Variants in DACH1 observed in about 807,000 individuals in gnomAD.
The protein encoded by DACH1 is dachshund family transcription factor 1.
A neutral mutation model predicts 54.2 loss-of-function variants in DACH1; 12 were observed. That is an observed-to-expected ratio of 0.22 (90% confidence interval 0.14 to 0.36). DACH1 has a LOEUF of 0.36. Ranked by LOEUF, DACH1 falls within the 10% of genes least tolerant of loss-of-function variation. The pLI, the probability that DACH1 is intolerant of heterozygous loss-of-function variation, is 1.00. For missense variants in DACH1, 805 were observed against 929.8 expected (o/e 0.87, Z 1.75); for synonymous variants, 386 against 366.2 (o/e 1.05, Z -0.62).
At chr13:71,637,498 T>C (rs180764455) in intron 2 of DACH1, among the ~76,000 whole-genome samples, 2 of 152,284 alleles carry the variant, frequency 1.3e-5, no homozygotes, top group Admixed American at 1.3e-4. Flanking sequence ...CATCAAATCA[T>C]TGGATTTGGC....
chr13:71,579,519 C>T (rs1335529195), intron 3 of DACH1, among the ~76,000 whole-genome samples: 1 of 152,006 alleles, frequency 6.6e-6, no homozygotes, highest in Non-Finnish European at 1.5e-5. Flanking sequence ...GCAGACATTA[C>T]TAAAAACAAT....
intron 6 of DACH1, among the ~76,000 whole-genome samples, chr13:71,505,503 T>C (rs977660692): frequency 6.6e-6 from 1 of 152,134 alleles, no homozygotes; most frequent in African/African-American, 2.4e-5. Flanking sequence ...TGTGTGTGTG[T>C]GTTTGTGTGT....
intron 2 of DACH1, among the ~76,000 whole-genome samples, chr13:71,650,916 T>C (rs756952936): frequency 3.9e-5 from 6 of 152,186 alleles, no homozygotes; most frequent in Non-Finnish European, 7.4e-5. Context: ...AAAACCAGTC[T>C]TGACATTCAG....
chr13:71,467,374 A>G (rs1430836885), intron 10 of DACH1, among the ~76,000 whole-genome samples: 2 of 148,340 alleles, frequency 1.3e-5, no homozygotes, highest in African/African-American at 2.5e-5. Context: ...GGGGAGGGAT[A>G]GCATTAGCAG....
intron 1 of DACH1, among the ~76,000 whole-genome samples, chr13:71,831,078 C>T (rs1006929644): frequency 2.0e-5 from 3 of 151,776 alleles, no homozygotes; most frequent in Non-Finnish European, 2.9e-5. Context: ...TAAGTACAAA[C>T]GATAAAATGA....
intron 3 of DACH1, among the ~76,000 whole-genome samples, chr13:71,614,345 T>A (rs1484336808): frequency 1.3e-5 from 2 of 152,080 alleles, no homozygotes; most frequent in Admixed American, 6.6e-5. Context: ...TCTGCAAGAG[T>A]AGTTTCAAGA....
At chr13:71,578,714 G>A in intron 3 of DACH1, among the ~76,000 whole-genome samples, 1 of 152,018 alleles carries the variant, frequency 6.6e-6, no homozygotes, top group Non-Finnish European at 1.5e-5. Flanking sequence ...AATTAATTAG[G>A]GACACAGTTT....
intron 6 of DACH1, among the ~76,000 whole-genome samples, chr13:71,515,685 T>C (rs1881103143): frequency 6.6e-6 from 1 of 151,878 alleles, no homozygotes; most frequent in South Asian, 2.1e-4. Context: ...TGCACATATT[T>C]CCCATTTAGC....
chr13:71,711,315 A>G (rs1882714407), intron 1 of DACH1, among the ~76,000 whole-genome samples: 1 of 152,164 alleles, frequency 6.6e-6, no homozygotes, highest in African/African-American at 2.4e-5. Context: ...GCAGTTAAAC[A>G]TTAGAATAGG....
At chr13:71,809,766 G>A (rs1887640220) in intron 1 of DACH1, among the ~76,000 whole-genome samples, 1 of 152,148 alleles carries the variant, frequency 6.6e-6, no homozygotes, top group South Asian at 2.1e-4. Context: ...TATAAGTGTA[G>A]AGGTAGAAAG....
chr13:71,582,510 C>A (rs1370044687), intron 3 of DACH1, among the ~76,000 whole-genome samples: 1 of 152,054 alleles, frequency 6.6e-6, no homozygotes, highest in African/African-American at 2.4e-5. Flanking sequence ...TCAAAATGTG[C>A]CATTAGTCCA....
intron 1 of DACH1, among the ~76,000 whole-genome samples, chr13:71,788,857 G>A (rs887597781): frequency 3.3e-5 from 5 of 151,972 alleles, no homozygotes; most frequent in Non-Finnish European, 7.4e-5. Flanking sequence ...CCATTCTGAA[G>A]CATTATTACA....
chr13:71,695,806 T>C (rs1185265336), intron 1 of DACH1, among the ~76,000 whole-genome samples: 1 of 152,196 alleles, frequency 6.6e-6, no homozygotes, highest in East Asian at 1.9e-4. Flanking sequence ...CAGCAAATTG[T>C]GTTTGTTCAG....
chr13:71,842,340 C>T (rs1226857256), intron 1 of DACH1, among the ~76,000 whole-genome samples: 2 of 151,834 alleles, frequency 1.3e-5, no homozygotes. Context: ...ACTGGGAAGC[C>T]AAAGTGGGTG....
chr13:71,652,172 G>A (rs1566407375), intron 2 of DACH1, among the ~76,000 whole-genome samples: 1 of 152,128 alleles, frequency 6.6e-6, no homozygotes, highest in Non-Finnish European at 1.5e-5. Context: ...CAAGCCACAC[G>A]AATGGAACAG....
chr13:71,596,689 C>T (rs1050305995), intron 3 of DACH1, among the ~76,000 whole-genome samples: 22 of 152,028 alleles, frequency 1.4e-4, no homozygotes, highest in East Asian at 3.9e-4. Context: ...TTTATAGGTA[C>T]GAACAAAGCA....
chr13:71,774,078 A>G (rs1424885121), intron 1 of DACH1, among the ~76,000 whole-genome samples: 2 of 151,988 alleles, frequency 1.3e-5, no homozygotes, highest in Non-Finnish European at 2.9e-5. Context: ...AATGATATTC[A>G]GTGATGTGAC....
intron 1 of DACH1, among the ~76,000 whole-genome samples, chr13:71,801,444 A>G (rs1483698939): frequency 6.6e-6 from 1 of 152,088 alleles, no homozygotes; most frequent in Non-Finnish European, 1.5e-5. Context: ...CTCTGCTCAA[A>G]AGAACAGTTC....
intron 8 of DACH1, 24 bp from the exon 9 acceptor site, chr13:71,475,873 A>G (rs1877478932): frequency 6.9e-7 from 1 of 1,456,178 alleles, no homozygotes; most frequent in African/African-American, 1.4e-5. Context: ...TATGCATATT[A>G]TTATTATTAT....
Sources: gnomAD v4.1 joint callset for allele counts (sites outside exome capture counted in the v4.1 genomes callset) on GRCh38, gnomAD v4.1.1 for gene constraint, MANE v1.5 for transcripts, NCBI Gene and HGNC (gene_info 2026-07-23, HGNC 2026-07-21) for gene names.